The following RGMA variants were observed in gnomAD, a reference collection of about 807,000 sequenced individuals.
RGMA encodes the protein repulsive guidance molecule A.
A neutral mutation model predicts 23.2 loss-of-function variants in RGMA; 10 were observed. The observed-to-expected ratio is 0.43, with a 90% confidence interval of 0.27 to 0.73. RGMA has a LOEUF of 0.73. Among genes scored for constraint, RGMA ranks in the 30% least tolerant of loss-of-function variants. The pLI, the probability that RGMA is intolerant of heterozygous loss-of-function variation, is 0.20. For missense variants in RGMA, 547 were observed against 630.5 expected (o/e 0.87, Z 1.42); for synonymous variants, 308 against 279.3 (o/e 1.10, Z -1.03).
At position 93,073,869 on chromosome 15, in the gene RGMA, CTTGGCACA is replaced by C. The variant is rs144293163; in HGVS notation, c.15-846_15-839del. ...GGGCCTGCGGGCCTAACCTTGCCAC[CTTGGCACA>C]GCTGCCACTCCAGAGAGATGGCTAT... On this transcript the variant is annotated intron_variant, in intron 1 of 3. Transcript: ENST00000329082. The C allele has an allele frequency of 2.1e-3, 3,074 of 1,473,536 alleles. 53 individuals are homozygous for C. The African/African-American group carries it at 0.039, about 19-fold the overall frequency. 91.3% of individuals were successfully genotyped at this position (1,473,536 alleles called of 1,614,324 possible).
chr15:93,046,111 G>C lies in RGMA; in HGVS notation c.646-406C>G, dbSNP rs546021106. ...CCTGTAACTTGGGAATGTTCCCTTA[G>C]ATGGCAAAAGGGACCCTGCAGATAT... On this transcript the variant is annotated intron_variant, in intron 3 of 3. Coordinates refer to ENST00000329082, the MANE Select transcript of RGMA (RefSeq NM_020211.3). Among the ~76,000 whole-genome samples the C allele has an allele frequency of 2.6e-5, 4 of 152,308 alleles. No homozygotes were observed. The South Asian group carries it at 8.3e-4, about 32-fold the overall frequency.
chr15:93,057,000 G>A (rs1426787968), intron 2 of RGMA, among the ~76,000 whole-genome samples: 4 of 152,126 alleles, frequency 2.6e-5, no homozygotes, highest in African/African-American at 9.7e-5. Flanking sequence ...GCCCCTCCCT[G>A]GTGAAGCTCC....
chr15:93,058,545 C>T (rs915196330), intron 2 of RGMA, among the ~76,000 whole-genome samples: 10 of 152,310 alleles, frequency 6.6e-5, no homozygotes, highest in African/African-American at 2.2e-4. Context: ...AATGTGTTAT[C>T]GAGCATTTAC....
rs1157052684 is a variant in RGMA, at chr15:93,043,646, T to G, written c.*1352A>C. 3 of 61,862 alleles carry G rather than the reference T, an allele frequency of 4.8e-5. No individual in the cohort carries two copies. Among genetic ancestry groups the G allele is most frequent in the Admixed American group, 1.9e-4 (1 of 5,286 alleles). 3.8% of individuals were successfully genotyped at this position (61,862 alleles called of 1,614,324 possible). On this transcript the variant is annotated 3_prime_UTR_variant, in exon 4 of 4. Transcript: ENST00000329082. ...GGGAGGGGCCGGGCCCCGAGCGCCC[T>G]CCCACCCGCCCACACACGGTTCTGG...
rs529598390 is a variant in RGMA, at chr15:93,076,595, A to G, written c.15-3564T>C. Among the ~76,000 whole-genome samples, 3 of 152,326 alleles carry G rather than the reference A, an allele frequency of 2.0e-5. No homozygotes were observed. In the East Asian group the frequency reaches 5.8e-4, roughly 29 times the overall value. On this transcript the variant is annotated intron_variant, in intron 1 of 3. Coordinates refer to ENST00000329082, the MANE Select transcript of RGMA (RefSeq NM_020211.3). ...TGAGGAGTGAATGACCTTTACCAAA[A>G]AAGGTGGTGTCTTTCAAAATAATGG...
At chr15:93,081,147 T>C (rs1298858944) in intron 1 of RGMA, among the ~76,000 whole-genome samples, 1 of 152,182 alleles carries the variant, frequency 6.6e-6, no homozygotes, top group Non-Finnish European at 1.5e-5. Context: ...CCCTGTCCTA[T>C]CTTCAGCCCC....
In RGMA at chr15:93,042,044, T is replaced by G. The variant is rs554199430; in HGVS notation, c.*2954A>C. The stretch of plus-strand genomic sequence containing the variant: ...CAGGCGTGGTGGTGTGTGCCTGTAG[T>G]CCCAGCTACTTGGGAGGCTGAGGCA... On this transcript the variant is annotated 3_prime_UTR_variant, in exon 4 of 4. Coordinates refer to ENST00000329082, the MANE Select transcript of RGMA (RefSeq NM_020211.3). The G allele has an allele frequency of 6.6e-6, 1 of 152,544 alleles. No individual in the cohort carries two copies. The highest frequency in any genetic ancestry group is 1.5e-5 in the Non-Finnish European group (1 of 68,228). 9.4% of individuals were successfully genotyped at this position (152,544 alleles called of 1,614,324 possible).
At chr15:93,057,957 GT>G (rs2055040671) in intron 2 of RGMA, among the ~76,000 whole-genome samples, 1 of 152,102 alleles carries the variant, frequency 6.6e-6, no homozygotes, top group Non-Finnish European at 1.5e-5. Flanking sequence ...AGAGCACTCG[GT>G]TTCCTGCCTG....
At position 93,036,895 on chromosome 15, in the gene RGMA, G is replaced by A. The variant is rs1267236384; in HGVS notation, c.*8103C>T. 6.6e-6 allele frequency: 1 copy of A among 152,190 alleles called. No individual in the cohort carries two copies. Among genetic ancestry groups the A allele is most frequent in the African/African-American group, 2.4e-5 (1 of 41,434 alleles). The allele number at this position is 152,190 out of a possible 1,614,324, so 9.4% of individuals were successfully genotyped here. The stretch of plus-strand genomic sequence containing the variant: ...AACCAGGGCAATATCTGCTTTCTAG[G>A]GTTTTTGTGAAATTTGACAAAGCAA... On this transcript the variant is annotated 3_prime_UTR_variant, in exon 4 of 4. Coordinates refer to ENST00000329082, the MANE Select transcript of RGMA (RefSeq NM_020211.3).
chr15:93,072,880 G>T, intron 2 of RGMA, 36 bp downstream of exon 2: 1 of 1,573,600 alleles, frequency 6.4e-7, no homozygotes, highest in Non-Finnish European at 8.6e-7. Flanking sequence ...GCGGCCCAGG[G>T]ACCCGGCCCC....
rs2054757962 is a variant in RGMA at position 93,043,517 on chromosome 15, GTGA to G, written c.*1478_*1480del. 6.6e-6 allele frequency: 1 copy of G among 152,554 alleles called. No homozygotes were observed. The highest frequency in any genetic ancestry group is 2.1e-4 in the South Asian group (1 of 4,838). 9.5% of individuals were successfully genotyped at this position (152,554 alleles called of 1,614,324 possible). Reference sequence around the variant, plus strand: ...CACAGGTCGCAGACACGTGGACGCAGTGAGGGGTCCCCACTTCCAAGCAGAACG... The same window carrying G: ...CACAGGTCGCAGACACGTGGACGCAGGGGGTCCCCACTTCCAAGCAGAACG... On this transcript the variant is annotated 3_prime_UTR_variant, in exon 4 of 4. Transcript: ENST00000329082.
intron 3 of RGMA, among the ~76,000 whole-genome samples, chr15:93,047,833 G>A (rs2054849926): frequency 6.6e-6 from 1 of 152,224 alleles, no homozygotes; most frequent in East Asian, 1.9e-4. Flanking sequence ...TGTGTGGCGA[G>A]GGCACAGTGC....
intron 2 of RGMA, among the ~76,000 whole-genome samples, chr15:93,062,524 G>C (rs1418426403): frequency 6.6e-6 from 1 of 152,170 alleles, no homozygotes; most frequent in Non-Finnish European, 1.5e-5. Context: ...CCAGGAGTTT[G>C]GGGCCAGACA....
intron 2 of RGMA, among the ~76,000 whole-genome samples, chr15:93,058,791 G>A (rs1364783755): frequency 6.6e-6 from 1 of 152,046 alleles, no homozygotes; most frequent in Non-Finnish European, 1.5e-5. Context: ...TCCATACCGG[G>A]CAACACGAAG....
intron 1 of RGMA, among the ~76,000 whole-genome samples, chr15:93,075,938 A>G (rs1895466631): frequency 6.6e-6 from 1 of 152,216 alleles, no homozygotes; most frequent in East Asian, 1.9e-4. Flanking sequence ...CAGCTAGAGC[A>G]GTATGGCGTT....
At position 93,052,322 on chromosome 15, in the gene RGMA, T is replaced by C. The variant is rs762554909; in HGVS notation, c.316A>G (p.Ile106Val). The change falls in exon 3 of 4, where the codon ATA (isoleucine) becomes GTA (valine). Residue 106 changes from isoleucine to valine, a missense_variant. Physicochemically the swap from Ile to Val is conservative, Grantham distance 29. Around this residue, in one of 3 missense-constraint regions of RGMA, gnomAD observed 214 missense variants for 234.7 expected, o/e 0.91. Coordinates refer to ENST00000329082, the MANE Select transcript of RGMA (RefSeq NM_020211.3). ...TTGTGCTGGCTCATGAGGTCCTCTATGCCATGGACGGCCGAGTGGTAGGCC... is the reference window on the plus strand; with the variant it reads ...TTGTGCTGGCTCATGAGGTCCTCTACGCCATGGACGGCCGAGTGGTAGGCC... ...DLAYHSAVHG[I>V]EDLMSQHNCS... is the part of the protein sequence containing the mutation. 7.5e-6 allele frequency: 12 copies of C among 1,603,660 alleles called. No homozygotes were observed. The highest frequency in any genetic ancestry group is 1.6e-4 in the Middle Eastern group (1 of 6,080).
intron 3 of RGMA, among the ~76,000 whole-genome samples, chr15:93,046,564 T>C (rs963837458): frequency 6.6e-6 from 1 of 152,106 alleles, no homozygotes; most frequent in Admixed American, 6.5e-5. Flanking sequence ...TGGAGCACAA[T>C]TCCTGACAAA....
At chr15:93,058,847 T>A (rs540394041) in intron 2 of RGMA, among the ~76,000 whole-genome samples, 31 of 152,198 alleles carry the variant, frequency 2.0e-4, no homozygotes, top group Non-Finnish European at 3.5e-4. Context: ...GTTCTTGTCT[T>A]GGGGGCCTCA....
chr15:93,052,512 G>A lies in RGMA; in HGVS notation c.131-5C>T. The A allele has an allele frequency of 6.4e-7, 1 of 1,563,056 alleles. No homozygotes were observed. The highest frequency in any genetic ancestry group is 8.7e-7 in the Non-Finnish European group (1 of 1,154,224). ...GGATCTTGCACGGGGAGGTGGCTGA[G>A]GAGAAAGGAACGAACACACCGTCGG... On this transcript the variant is annotated splice_region_variant and splice_polypyrimidine_tract_variant and intron_variant, in intron 2 of 3. Transcript: ENST00000329082.
Sources: gnomAD v4.1 joint callset for allele counts (sites outside exome capture counted in the v4.1 genomes callset) on GRCh38, gnomAD v4.1.1 for gene constraint, gnomAD v4.1.1 regional missense constraint, MANE v1.5 for transcripts, NCBI Gene and HGNC (gene_info 2026-07-23, HGNC 2026-07-21) for gene names.